CLVS2: variants seen among roughly 807,000 people sequenced by gnomAD.
CLVS2 encodes the protein clavesin 2, also known as clavesin-2.
In CLVS2, 19 loss-of-function variants were observed where a neutral mutation model predicts 29.0. That is an observed-to-expected ratio of 0.66 (90% CI 0.46 to 0.96). The LOEUF is 0.96. CLVS2 is among the 40% of genes least tolerant of loss of function. The pLI, the probability that CLVS2 is intolerant of heterozygous loss-of-function variation, is 0.00. For missense variants in CLVS2, 294 were observed against 404.1 expected, an observed-to-expected ratio of 0.73 and a Z score of 2.34; for synonymous variants, 161 against 151.3, an observed-to-expected ratio of 1.06 and a Z score of -0.47.
chr6:123,062,558 A>C (rs1351818768), intron 5 of CLVS2, among the ~76,000 whole-genome samples: 1 of 152,012 alleles, frequency 6.6e-6, no homozygotes, highest in East Asian at 1.9e-4. Context: ...AGGAAACAAA[A>C]TCTCTCAATT....
chr6:123,041,996 A>G lies in CLVS2; in HGVS notation c.565-6626A>G, dbSNP rs576771471. ...AAAAAAGTTACCTACAAAGCCACATATTAATGGGAAATGATTGTATCATTT... is the reference window on the plus strand; with the variant it reads ...AAAAAAGTTACCTACAAAGCCACATGTTAATGGGAAATGATTGTATCATTT... On this transcript the variant is annotated intron_variant, in intron 3 of 5. Transcript: ENST00000275162. Among the ~76,000 whole-genome samples, 20 of 152,324 alleles carry G rather than the reference A, an allele frequency of 1.3e-4. No homozygotes were observed. In the South Asian group the frequency reaches 4.1e-3, roughly 32 times the overall value.
intron 4 of CLVS2, among the ~76,000 whole-genome samples, chr6:123,050,008 G>T (rs938871001): frequency 6.6e-6 from 1 of 152,168 alleles, no homozygotes; most frequent in African/African-American, 2.4e-5. Context: ...AGGGCTTACT[G>T]TAAGTGAATT....
intron 2 of CLVS2, among the ~76,000 whole-genome samples, chr6:122,998,742 T>C (rs1282706513): frequency 1.3e-5 from 2 of 152,094 alleles, no homozygotes; most frequent in African/African-American, 4.8e-5. Context: ...AAAGGAAGAG[T>C]TGCATCCTCT....
intron 4 of CLVS2, among the ~76,000 whole-genome samples, chr6:123,053,276 G>A (rs766027212): frequency 5.9e-5 from 9 of 152,034 alleles, no homozygotes; most frequent in South Asian, 2.1e-4. Flanking sequence ...CCCAGGAGGC[G>A]GAGGTTGCAG....
At chr6:123,060,016 T>C (rs1772752608) in intron 5 of CLVS2, among the ~76,000 whole-genome samples, 1 of 152,210 alleles carries the variant, frequency 6.6e-6, no homozygotes, top group Non-Finnish European at 1.5e-5. Context: ...AAGAAAGGTG[T>C]TGCACTTGAT....
intron 3 of CLVS2, among the ~76,000 whole-genome samples, chr6:123,024,355 A>T (rs1366270441): frequency 6.6e-6 from 1 of 152,154 alleles, no homozygotes; most frequent in Non-Finnish European, 1.5e-5. Context: ...GAATGTCACA[A>T]ATATTTTCTA....
intron 2 of CLVS2, among the ~76,000 whole-genome samples, chr6:123,003,376 C>A (rs1021848973): frequency 2.0e-5 from 3 of 152,138 alleles, no homozygotes; most frequent in Non-Finnish European, 4.4e-5. Context: ...AAGAAGTTAT[C>A]CTTAGTAAAT....
intron 3 of CLVS2, among the ~76,000 whole-genome samples, chr6:123,021,348 T>G (rs1424232278): frequency 6.6e-6 from 1 of 152,040 alleles, no homozygotes; most frequent in Non-Finnish European, 1.5e-5. Context: ...TATTACCTTT[T>G]TTGTTATGTT....
At chr6:123,062,784 G>T (rs746872522) in intron 5 of CLVS2, among the ~76,000 whole-genome samples, 6 of 152,202 alleles carry the variant, frequency 3.9e-5, no homozygotes, top group Non-Finnish European at 7.3e-5. Context: ...CACAGCAAAA[G>T]CCAATTGGCT....
chr6:123,017,297 G>A (rs1420743500), intron 3 of CLVS2, among the ~76,000 whole-genome samples: 2 of 152,156 alleles, frequency 1.3e-5, no homozygotes, highest in Admixed American at 6.5e-5. Flanking sequence ...TCTTGTTTAC[G>A]AGCTACATTT....
chr6:123,012,159 C>T (rs1774757693), intron 3 of CLVS2, among the ~76,000 whole-genome samples: 1 of 151,998 alleles, frequency 6.6e-6, no homozygotes, highest in Admixed American at 6.6e-5. Context: ...CTTGGTGAGA[C>T]AGCCTTGCTC....
chr6:123,033,101 T>G (rs1056432039), intron 3 of CLVS2, among the ~76,000 whole-genome samples: 2 of 152,092 alleles, frequency 1.3e-5, no homozygotes, highest in Admixed American at 1.3e-4. Flanking sequence ...ATTTTTGGTT[T>G]AAAGGAAACA....
chr6:122,996,243 TCAG>T lies in CLVS2; in HGVS notation c.-1052_-1050del. 3.8e-5 allele frequency: 6 copies of T among 156,276 alleles called. No individual in the cohort carries two copies. Among genetic ancestry groups the T allele is most frequent in the Non-Finnish European group, 8.4e-5 (6 of 71,312 alleles). The allele number at this position is 156,276 out of a possible 1,614,324, so 9.7% of individuals were successfully genotyped here. Reference sequence around the variant, plus strand: ...GAGTTGGGCTGAGCCGAGTCCTCTTTCAGCAGCAGCAGCCGGAGCCGCCGCCGC... The same window carrying T: ...GAGTTGGGCTGAGCCGAGTCCTCTTTCAGCAGCAGCCGGAGCCGCCGCCGC... On this transcript the variant is annotated 5_prime_UTR_variant, in exon 1 of 6. Transcript: ENST00000275162.
intron 3 of CLVS2, among the ~76,000 whole-genome samples, chr6:123,024,125 A>G (rs1225548968): frequency 3.9e-5 from 6 of 152,172 alleles, no homozygotes; most frequent in Non-Finnish European, 1.5e-5. Context: ...TTTGATATGA[A>G]GAACATATAC....
At chr6:123,022,611 C>T (rs755343056) in intron 3 of CLVS2, among the ~76,000 whole-genome samples, 1 of 151,916 alleles carries the variant, frequency 6.6e-6, no homozygotes, top group East Asian at 1.9e-4. Flanking sequence ...TTTTCCCCCC[C>T]CAGGGTAAAA....
At chr6:123,046,851 A>G (rs918907759) in intron 3 of CLVS2, among the ~76,000 whole-genome samples, 2 of 152,138 alleles carry the variant, frequency 1.3e-5, no homozygotes, top group African/African-American at 4.8e-5. Context: ...TGCGTTGCTG[A>G]ACTCTCAAGA....
chr6:123,016,048 T>TG (rs869098160), intron 3 of CLVS2, among the ~76,000 whole-genome samples: 1 of 114,606 alleles, frequency 8.7e-6, no homozygotes, highest in Non-Finnish European at 1.9e-5. Flanking sequence ...TTTTTTTTTT[T>TG]GTGGAAAGGG....
At chr6:123,060,089 A>G (rs1041412116) in intron 5 of CLVS2, among the ~76,000 whole-genome samples, 1 of 152,206 alleles carries the variant, frequency 6.6e-6, no homozygotes, top group Non-Finnish European at 1.5e-5. Flanking sequence ...GATTGCTCCT[A>G]TGTTCCACAC....
intron 3 of CLVS2, among the ~76,000 whole-genome samples, chr6:123,032,501 A>G (rs1306530485): frequency 8.5e-5 from 13 of 152,128 alleles, no homozygotes; most frequent in Non-Finnish European, 1.5e-4. Context: ...TTGGTGTCTT[A>G]CACTTACTAG....
Sources: gnomAD v4.1 joint callset for allele counts (sites outside exome capture counted in the v4.1 genomes callset) on GRCh38, gnomAD v4.1.1 for gene constraint, MANE v1.5 for transcripts, NCBI Gene and HGNC (gene_info 2026-07-23, HGNC 2026-07-21) for gene names.